Variants in C2orf68 observed in about 807,000 individuals in gnomAD.
C2orf68 encodes UPF0561 protein C2orf68.
A neutral mutation model predicts 19.1 loss-of-function variants in C2orf68; 15 were observed. That is an observed-to-expected ratio of 0.79 (90% confidence interval 0.53 to 1.21). The LOEUF (loss-of-function observed/expected upper bound fraction) is 1.21. C2orf68 is among the 50% of genes most tolerant of loss of function. C2orf68 has a pLI of 0.00. For synonymous variants in C2orf68, 98 were observed against 91.0 expected, an observed-to-expected ratio of 1.08 and a Z score of -0.44; for missense variants, 242 against 226.6, an observed-to-expected ratio of 1.07 and a Z score of -0.44.
At chr2:85,611,174 C>T in intron 2 of C2orf68, 1 of 996,676 alleles carries the variant, frequency 1.0e-6, no homozygotes, top group Non-Finnish European at 1.3e-6. Context: ...CACCATTGCA[C>T]TCCAGCCTGG....
At position 85,608,114 on chromosome 2, in the gene C2orf68, C is replaced by T. The variant is rs1213306732; in HGVS notation, c.*831G>A. 2 of 152,304 alleles carry T rather than the reference C, an allele frequency of 1.3e-5. No individual in the cohort carries two copies. Among genetic ancestry groups the T allele is most frequent in the East Asian group, 1.9e-4 (1 of 5,190 alleles). 9.4% of individuals were successfully genotyped at this position (152,304 alleles called of 1,614,324 possible). A position where few individuals can be genotyped will look rare whatever the true frequency, so the allele number is the denominator to read the frequency against. ...GTCTGAGCAGAGGACAGTCTGTTCA[C>T]GGCTAGGAATCAAGTTGAAAGTTGG... On this transcript the variant is annotated 3_prime_UTR_variant, in exon 4 of 4. Coordinates refer to ENST00000306336, the MANE Select transcript of C2orf68 (RefSeq NM_001013649.4).
chr2:85,611,747 C>T lies in C2orf68; in HGVS notation c.147G>A (p.Glu49=). 6.2e-7 allele frequency: 1 copy of T among 1,611,644 alleles called. No individual in the cohort carries two copies. The highest frequency in any genetic ancestry group is 8.5e-7 in the Non-Finnish European group (1 of 1,179,294). ...YDKKVKQAAK[E]KVRRRHTPAP... ...CGGGCGTGTGCCGCCTCCTCACCTT[C>T]TCCTTGGCCGCCTGCTTCACCTTCT... Residue 49 remains glutamate, a synonymous_variant, in exon 2 of 4, where the codon GAG becomes GAA. Coordinates refer to ENST00000306336, the MANE Select transcript of C2orf68 (RefSeq NM_001013649.4).
At position 85,611,933 on chromosome 2, in the gene C2orf68, G is replaced by T; in HGVS notation, c.52C>A (p.Arg18=). The T allele has an allele frequency of 6.3e-7, 1 of 1,585,644 alleles. No homozygotes were observed. Among genetic ancestry groups the T allele is most frequent in the African/African-American group, 1.4e-5 (1 of 73,258 alleles). Residue 18 remains arginine (R), a synonymous_variant, in exon 1 of 4, where the codon CGG becomes AGG. Transcript: ENST00000306336. ...RPGHCCKPGG[R]LDMNHGFVHH... ...ACGAAGCCGTGGTTCATGTCCAGCCGCCCCCCAGGCTTGCAGCAGTGCCCC... is the reference window on the plus strand; with the variant it reads ...ACGAAGCCGTGGTTCATGTCCAGCCTCCCCCCAGGCTTGCAGCAGTGCCCC...
chr2:85,611,059 G>C, intron 2 of C2orf68: 1 of 189,990 alleles, frequency 5.3e-6, no homozygotes, highest in Non-Finnish European at 1.0e-5. Context: ...GCGCCCAGCC[G>C]GGGAAACCCC....
In C2orf68 at chr2:85,611,950, C is replaced by A; in HGVS notation, c.35G>T (p.Cys12Phe). 6.4e-7 allele frequency: 1 copy of A among 1,570,448 alleles called. No homozygotes were observed. The highest frequency in any genetic ancestry group is 8.6e-7 in the Non-Finnish European group (1 of 1,167,330). ...EAGPHPRPGH[C>F]CKPGGRLDMN... ...GTCCAGCCGCCCCCCAGGCTTGCAG[C>A]AGTGCCCCGGCCGGGGATGCGGCCC... The change falls in exon 1 of 4, where the codon TGC becomes TTC. Residue 12 changes from cysteine (C) to phenylalanine (F), a missense_variant. By Grantham distance (205) the Cys-to-Phe change is radical. Coordinates refer to ENST00000306336, the MANE Select transcript of C2orf68 (RefSeq NM_001013649.4).
intron 3 of C2orf68, 130 bp downstream of exon 3, chr2:85,609,305 C>T: frequency 7.3e-7 from 1 of 1,362,094 alleles, no homozygotes; most frequent in South Asian, 1.4e-5. Flanking sequence ...CACTGCCCGG[C>T]AGGCCTAGAC....
chr2:85,611,562 G>A, intron 2 of C2orf68, 106 bp downstream of exon 2: 1 of 1,551,120 alleles, frequency 6.4e-7, no homozygotes. Context: ...AAAGAGACGA[G>A]ATGAGCTGAA....
At position 85,607,841 on chromosome 2, in the gene C2orf68, C is replaced by G. The variant is rs966410216; in HGVS notation, c.*1104G>C. ...GGGAGGATGTCTTGTGGAATTCAGA[C>G]GTAAGCCTAACCCTGCATTAGAAAA... On this transcript the variant is annotated 3_prime_UTR_variant, in exon 4 of 4. Transcript: ENST00000306336. The G allele has an allele frequency of 2.0e-5, 3 of 152,058 alleles. No individual in the cohort carries two copies. Among genetic ancestry groups the G allele is most frequent in the African/African-American group, 7.2e-5 (3 of 41,392 alleles). The allele number at this position is 152,058 out of a possible 1,614,324, so 9.4% of individuals were successfully genotyped here.
In C2orf68 at chr2:85,608,135, G is replaced by A. The variant is rs985671420; in HGVS notation, c.*810C>T. ...TTCACGGCTAGGAATCAAGTTGAAA[G>A]TTGGAATTCTGTAGCCCTGGCCGAG... On this transcript the variant is annotated 3_prime_UTR_variant, in exon 4 of 4. Transcript: ENST00000306336. The A allele has an allele frequency of 2.0e-5, 3 of 152,224 alleles. No homozygotes were observed. Among genetic ancestry groups the A allele is most frequent in the Admixed American group, 6.5e-5 (1 of 15,278 alleles). The allele number at this position is 152,224 out of a possible 1,614,324, so 9.4% of individuals were successfully genotyped here. A position where few individuals can be genotyped will look rare whatever the true frequency, so the allele number is the denominator to read the frequency against.
chr2:85,611,525 T>C (rs1287210409), intron 2 of C2orf68, 143 bp downstream of exon 2: 1 of 1,550,738 alleles, frequency 6.4e-7, no homozygotes, highest in African/African-American at 1.4e-5. Flanking sequence ...CAGCGGAGAT[T>C]TGGGAGCGCT....
rs1395805816 is a variant in C2orf68, at chr2:85,606,812, C to T, written c.*2133G>A. On this transcript the variant is annotated 3_prime_UTR_variant, in exon 4 of 4. Coordinates refer to ENST00000306336, the MANE Select transcript of C2orf68 (RefSeq NM_001013649.4). ...TTTTTTTTTTTTTGAGATGGAGTCT[C>T]GCTCTGCTGCCCAGCCTGAAGTGCA... The T allele has an allele frequency of 1.4e-5, 2 of 147,850 alleles. No individual in the cohort carries two copies. The highest frequency in any genetic ancestry group is 2.5e-5 in the African/African-American group (1 of 39,926). 9.2% of individuals were successfully genotyped at this position (147,850 alleles called of 1,614,324 possible). A position where few individuals can be genotyped will look rare whatever the true frequency, so the allele number is the denominator to read the frequency against.
chr2:85,608,931 C>T lies in C2orf68; in HGVS notation c.*14G>A, dbSNP rs547310328. On this transcript the variant is annotated 3_prime_UTR_variant, in exon 4 of 4. Transcript: ENST00000306336. ...TGCAGTGAATCCAGCCTGGAGAGAACGCCTTCAACATGGTCAGTGTTGGCT... is the reference window on the plus strand; with the variant it reads ...TGCAGTGAATCCAGCCTGGAGAGAATGCCTTCAACATGGTCAGTGTTGGCT... 8.7e-6 allele frequency: 14 copies of T among 1,613,760 alleles called. No individual in the cohort carries two copies. The highest frequency in any genetic ancestry group is 1.6e-4 in the Middle Eastern group (1 of 6,062).
chr2:85,611,491 T>C, intron 2 of C2orf68, 177 bp downstream of exon 2: 1 of 1,550,600 alleles, frequency 6.4e-7, no homozygotes, highest in Non-Finnish European at 8.7e-7. Flanking sequence ...TTATGAGTCG[T>C]CCCAGTTCTT....
rs151314660 is a variant in C2orf68, at chr2:85,606,391, G to A, written c.*2554C>T. Among the ~76,000 whole-genome samples the A allele has an allele frequency of 6.6e-6, 1 of 152,332 alleles. No homozygotes were observed. The highest frequency in any genetic ancestry group is 2.4e-5 in the African/African-American group (1 of 41,574). On this transcript the variant is annotated 3_prime_UTR_variant, in exon 4 of 4. Coordinates refer to ENST00000306336, the MANE Select transcript of C2orf68 (RefSeq NM_001013649.4). The stretch of plus-strand genomic sequence containing the variant: ...GAAGTAGATGTCTGGAGGCAGGTCT[G>A]GTGAATAAACTGAATAGTACTGCCT...
chr2:85,609,733 G>A (rs1330243340), intron 2 of C2orf68, 147 bp from the exon 3 acceptor site: 2 of 1,039,348 alleles, frequency 1.9e-6, no homozygotes, highest in Admixed American at 2.8e-5. Context: ...CCAGGCTGGA[G>A]TGCAGTGGTG....
chr2:85,611,962 CG>C lies in C2orf68; in HGVS notation c.22del (p.Arg8GlyfsTer14). On this transcript the variant is annotated frameshift_variant, in exon 1 of 4. Coordinates refer to ENST00000306336, the MANE Select transcript of C2orf68 (RefSeq NM_001013649.4). LOFTEE classifies it high-confidence loss of function. Reference protein sequence around the residue: MEAGPHPRPGHCCKPGGR... With the variant: MEAGPHPXPGHCCKPGGR... ...CCCAGGCTTGCAGCAGTGCCCCGGC[CG>C]GGGATGCGGCCCCGCCTCCATCAGG... 2 of 1,536,894 alleles carry C rather than the reference CG, an allele frequency of 1.3e-6. No homozygotes were observed. The highest frequency in any genetic ancestry group is 2.4e-5 in the South Asian group (2 of 83,286).
In C2orf68 at chr2:85,607,203, C is replaced by T. The variant is rs779926547; in HGVS notation, c.*1742G>A. On this transcript the variant is annotated 3_prime_UTR_variant, in exon 4 of 4. Transcript: ENST00000306336. ...TGTATTTCCAGACTAAAAAGCCAGA[C>T]TTGCAGTGAAATCCTATGTTCCAAG... The T allele has an allele frequency of 3.3e-5, 5 of 152,154 alleles. No homozygotes were observed. Among genetic ancestry groups the T allele is most frequent in the African/African-American group, 1.2e-4 (5 of 41,424 alleles). 9.4% of individuals were successfully genotyped at this position (152,154 alleles called of 1,614,324 possible). A position where few individuals can be genotyped will look rare whatever the true frequency, so the allele number is the denominator to read the frequency against.
chr2:85,609,383 TTAC>T, intron 3 of C2orf68, 49 bp downstream of exon 3: 1 of 1,595,474 alleles, frequency 6.3e-7, no homozygotes, highest in Non-Finnish European at 8.6e-7. Flanking sequence ...CTGACAATGA[TTAC>T]TACCATGGCC....
rs775068081 is a variant in C2orf68 at position 85,606,117 on chromosome 2, C to T, written c.*2828G>A. ...AAAATACAGGCTTAAATTCAGCAAG[C>T]GAAGAACATTCCATATTGAATGGGC... is the stretch of plus-strand genomic sequence containing the variant. On this transcript the variant is annotated 3_prime_UTR_variant, in exon 4 of 4. Coordinates refer to ENST00000306336, the MANE Select transcript of C2orf68 (RefSeq NM_001013649.4). Among the ~76,000 whole-genome samples the T allele has an allele frequency of 2.0e-5, 3 of 152,122 alleles. No individual in the cohort carries two copies. The highest frequency in any genetic ancestry group is 2.1e-4 in the South Asian group (1 of 4,830).
Sources: allele counts gnomAD v4.1 joint callset (sites outside exome capture counted in the v4.1 genomes callset), GRCh38; gene constraint gnomAD v4.1.1; transcripts MANE v1.5; gene names NCBI Gene and HGNC (gene_info 2026-07-23, HGNC 2026-07-21).